NRG3: variants seen among roughly 807,000 people sequenced by gnomAD.
The protein encoded by NRG3 is pro-neuregulin-3, membrane-bound isoform.
A neutral mutation model predicts 66.9 loss-of-function variants in NRG3; 31 were observed. The observed-to-expected ratio is 0.46, with a 90% CI of 0.35 to 0.63. The LOEUF is 0.63. Among genes scored for constraint, NRG3 ranks in the 20% least tolerant of loss-of-function variants. NRG3 has a pLI of 0.00. For missense variants in NRG3, 910 were observed against 878.9 expected (o/e 1.04, Z -0.45); for synonymous variants, 393 against 359.4 (o/e 1.09, Z -1.06).
chr10:82,202,636 C>T (rs1044766201), intron 1 of NRG3, among the ~76,000 whole-genome samples: 11 of 152,122 alleles, frequency 7.2e-5, no homozygotes, highest in Admixed American at 1.3e-4. Flanking sequence ...TTCCTGTGGT[C>T]GGAATGCTCT....
intron 1 of NRG3, among the ~76,000 whole-genome samples, chr10:82,275,292 A>G (rs997669495): frequency 2.0e-5 from 3 of 151,998 alleles, no homozygotes; most frequent in Admixed American, 6.6e-5. Flanking sequence ...TGAGTTGCCA[A>G]GAGCATAGAG....
chr10:82,793,559 T>C (rs192106705), intron 3 of NRG3, among the ~76,000 whole-genome samples: 1 of 152,304 alleles, frequency 6.6e-6, no homozygotes, highest in East Asian at 1.9e-4. Context: ...TTAAGCCTTC[T>C]CAGATCCAGG....
At chr10:82,151,531 G>T (rs1352427571) in intron 1 of NRG3, among the ~76,000 whole-genome samples, 3 of 152,074 alleles carry the variant, frequency 2.0e-5, no homozygotes, top group Non-Finnish European at 4.4e-5. Context: ...TCCTTCTCTT[G>T]TCTCCATTAT....
chr10:82,686,842 G>A (rs2054553754), intron 2 of NRG3, among the ~76,000 whole-genome samples: 1 of 152,128 alleles, frequency 6.6e-6, no homozygotes, highest in African/African-American at 2.4e-5. Flanking sequence ...ATTGATCAAT[G>A]CATATAGGTT....
Position 81,898,462 on chromosome 10 carries a change from T to G in NRG3, c.823+22299T>G, listed in dbSNP as rs556837527. Among the ~76,000 whole-genome samples, 11 of 152,318 alleles carry G rather than the reference T, an allele frequency of 7.2e-5. No homozygotes were observed. In the East Asian group the frequency reaches 2.1e-3, roughly 29 times the overall value. ...CTGTCAGACTCAGATCCCTCTCATC[T>G]CCAGGGTTGGCTGAATCTACTATCT... On this transcript the variant is annotated intron_variant, in intron 1 of 8. Transcript: ENST00000372141.
At chr10:81,959,610 A>T (rs1311278678) in intron 1 of NRG3, among the ~76,000 whole-genome samples, 2 of 151,902 alleles carry the variant, frequency 1.3e-5, no homozygotes, top group African/African-American at 4.8e-5. Context: ...ATTTTTCCTG[A>T]TGTGGTCTTT....
chr10:82,613,730 A>C (rs754654543), intron 2 of NRG3, among the ~76,000 whole-genome samples: 10 of 151,474 alleles, frequency 6.6e-5, no homozygotes, highest in Non-Finnish European at 1.5e-4. Context: ...GTACATGTGC[A>C]TAATGTGCAG....
At chr10:82,828,780 A>G (rs2062372158) in intron 3 of NRG3, among the ~76,000 whole-genome samples, 1 of 152,198 alleles carries the variant, frequency 6.6e-6, no homozygotes, top group African/African-American at 2.4e-5. Flanking sequence ...AAAGATGCAA[A>G]ATCTAACTGG....
intron 1 of NRG3, among the ~76,000 whole-genome samples, chr10:82,287,368 C>G (rs58642873): frequency 6.6e-6 from 1 of 151,786 alleles, no homozygotes; most frequent in South Asian, 2.1e-4. Context: ...CCCCAGAAGC[C>G]GGGCTGATGC....
At chr10:82,655,798 C>T (rs563082284) in intron 2 of NRG3, among the ~76,000 whole-genome samples, 2 of 152,044 alleles carry the variant, frequency 1.3e-5, no homozygotes, top group Non-Finnish European at 2.9e-5. Flanking sequence ...TATTAGCAAG[C>T]ATAATATAAA....
At chr10:82,660,814 T>G in intron 2 of NRG3, among the ~76,000 whole-genome samples, 1 of 152,156 alleles carries the variant, frequency 6.6e-6, no homozygotes, top group East Asian at 1.9e-4. Context: ...TTTAATTTTA[T>G]TTTACTTGGA....
chr10:82,475,746 A>G (rs1162792150), intron 2 of NRG3, among the ~76,000 whole-genome samples: 2 of 152,194 alleles, frequency 1.3e-5, no homozygotes, highest in Non-Finnish European at 2.9e-5. Context: ...TATTAGAAGA[A>G]ATACAGGGGA....
chr10:82,362,002 C>G (rs1290434494), intron 2 of NRG3, among the ~76,000 whole-genome samples: 1 of 135,880 alleles, frequency 7.4e-6, no homozygotes, highest in Non-Finnish European at 1.5e-5. Flanking sequence ...TGCTCTGACA[C>G]ATTTCTGTTT....
intron 5 of NRG3, among the ~76,000 whole-genome samples, chr10:82,955,504 A>C (rs1055217594): frequency 3.3e-5 from 5 of 151,940 alleles, no homozygotes; most frequent in Admixed American, 3.3e-4. Context: ...TGAGTGTTAG[A>C]GTTCTTAGCA....
rs1349528579 is a variant in NRG3 at position 82,843,300 on chromosome 10, C to T, written c.1028-22111C>T. Reference sequence around the variant, plus strand: ...CCTTATGGGTGGGACGGGTGTCATTCTCAAAGGACAATTTAGCTCCCTTTG... The same window carrying T: ...CCTTATGGGTGGGACGGGTGTCATTTTCAAAGGACAATTTAGCTCCCTTTG... On this transcript the variant is annotated intron_variant, in intron 3 of 8. Transcript: ENST00000372141. 4 of 448,682 alleles carry T rather than the reference C, an allele frequency of 8.9e-6. No homozygotes were observed. In the Admixed American group the frequency reaches 9.5e-5, roughly 11 times the overall value. The allele number at this position is 448,682 out of a possible 1,614,324, so 27.8% of individuals were successfully genotyped here.
intron 3 of NRG3, among the ~76,000 whole-genome samples, chr10:82,842,118 G>A (rs547442764): frequency 6.6e-6 from 1 of 152,278 alleles, no homozygotes; most frequent in South Asian, 2.1e-4. Context: ...AGGCGTGGTG[G>A]TGTGCGCCTG....
At chr10:82,843,476 C>T (rs777798007) in intron 3 of NRG3, among the ~76,000 whole-genome samples, 4 of 152,042 alleles carry the variant, frequency 2.6e-5, no homozygotes, top group Non-Finnish European at 2.9e-5. Flanking sequence ...ACACAGTCTG[C>T]GGTATGCTGT....
chr10:82,755,981 A>C (rs894027475), intron 3 of NRG3, among the ~76,000 whole-genome samples: 1 of 152,006 alleles, frequency 6.6e-6, no homozygotes, highest in East Asian at 1.9e-4. Context: ...TGCACCTTGC[A>C]GTTGCACCTA....
chr10:82,779,920 G>A (rs911290034), intron 3 of NRG3, among the ~76,000 whole-genome samples: 7 of 137,932 alleles, frequency 5.1e-5, no homozygotes, highest in African/African-American at 1.7e-4. Context: ...TCCTCCCTGT[G>A]TCCAAGTGTT....
Sources: allele counts gnomAD v4.1 joint callset (sites outside exome capture counted in the v4.1 genomes callset), GRCh38; gene constraint gnomAD v4.1.1; transcripts MANE v1.5; gene names NCBI Gene and HGNC (gene_info 2026-07-23, HGNC 2026-07-21).